Variants in ATP7B observed in about 807,000 individuals in gnomAD.
The protein encoded by ATP7B is copper-transporting ATPase 2.
In ATP7B, 113 loss-of-function variants were observed where a neutral mutation model predicts 118.9. That is an observed-to-expected ratio of 0.95 (90% CI 0.82 to 1.11). The LOEUF is 1.11. ATP7B is among the 50% of genes most tolerant of loss of function. ATP7B has a pLI of 0.00. For synonymous variants in ATP7B, 777 were observed against 727.4 expected (o/e 1.07, Z -1.10); for missense variants, 1,867 against 1,871.4 (o/e 1.00, Z 0.04).
intron 20 of ATP7B, among the ~76,000 whole-genome samples, chr13:51,935,290 T>C (rs576645497): frequency 2.0e-5 from 3 of 152,308 alleles, no homozygotes; most frequent in Admixed American, 6.5e-5. Context: ...TAAGTGAACA[T>C]CTTTTTTAAA....
chr13:51,945,030 T>TA (rs1957559194), intron 13 of ATP7B, among the ~76,000 whole-genome samples: 1 of 152,184 alleles, frequency 6.6e-6, no homozygotes, highest in East Asian at 1.9e-4. Context: ...GGTTCTCCCT[T>TA]ACAAGCAAAC....
Position 51,934,038 on chromosome 13 carries a change from A to T in ATP7B, c.*718T>A, listed in dbSNP as rs1000284005. The T allele has an allele frequency of 2.6e-5, 4 of 153,674 alleles. No homozygotes were observed. Among genetic ancestry groups the T allele is most frequent in the Admixed American group, 1.3e-4 (2 of 15,592 alleles). The allele number at this position is 153,674 out of a possible 1,614,324, so 9.5% of individuals were successfully genotyped here. On this transcript the variant is annotated 3_prime_UTR_variant, in exon 21 of 21. Coordinates refer to ENST00000242839, the MANE Select transcript of ATP7B (RefSeq NM_000053.4). The stretch of plus-strand genomic sequence containing the variant: ...GCAAAAAAGAACTCTCCTCAACTTG[A>T]AGAAGAGTGTGGCAAGCTCCCTGGC...
At chr13:51,940,987 CTTCTT>C (rs1957295904) in intron 16 of ATP7B, 89 bp downstream of exon 16, 2 of 1,564,918 alleles carry the variant, frequency 1.3e-6, no homozygotes, top group Admixed American at 3.4e-5. Context: ...TTTTGTTTGT[CTTCTT>C]TTCTTTTATA....
intron 1 of ATP7B, among the ~76,000 whole-genome samples, chr13:51,994,783 T>G (rs1953114979): frequency 6.6e-6 from 1 of 152,226 alleles, no homozygotes; most frequent in Admixed American, 6.5e-5. Context: ...AAAGTTGTTT[T>G]TTATTTTCGT....
At chr13:51,955,049 G>A (rs1376701258) in intron 9 of ATP7B, among the ~76,000 whole-genome samples, 1 of 152,190 alleles carries the variant, frequency 6.6e-6, no homozygotes, top group Admixed American at 6.5e-5. Flanking sequence ...AACGCTGCCA[G>A]CACCCAAGAC....
intron 1 of ATP7B, among the ~76,000 whole-genome samples, chr13:51,982,843 C>T (rs947667487): frequency 1.3e-5 from 2 of 152,188 alleles, no homozygotes; most frequent in Non-Finnish European, 2.9e-5. Context: ...CAAGGGAAGC[C>T]GCGAGGGACT....
chr13:51,969,563 C>T (rs1054747944), intron 3 of ATP7B, among the ~76,000 whole-genome samples: 18 of 152,014 alleles, frequency 1.2e-4, no homozygotes, highest in Non-Finnish European at 2.6e-4. Context: ...ATCCCACAAT[C>T]TTGCTAACAC....
chr13:51,992,524 T>G (rs963529028), intron 1 of ATP7B, among the ~76,000 whole-genome samples: 1 of 152,218 alleles, frequency 6.6e-6, no homozygotes, highest in Admixed American at 6.5e-5. Flanking sequence ...GTTCTCAAGG[T>G]GCAAAGCTGA....
intron 5 of ATP7B, among the ~76,000 whole-genome samples, chr13:51,962,919 C>T (rs559209661): frequency 6.6e-6 from 1 of 152,020 alleles, no homozygotes. Context: ...TGGCGAAACC[C>T]CATCTCTACT....
At chr13:51,959,085 T>A (rs1203977158) in intron 7 of ATP7B, 6 of 165,076 alleles carry the variant, frequency 3.6e-5, no homozygotes, top group African/African-American at 1.2e-4. Flanking sequence ...ACTATTAATA[T>A]CACCATAGCA....
chr13:51,964,087 AACAG>A (rs1458099628), intron 5 of ATP7B, among the ~76,000 whole-genome samples: 6 of 150,738 alleles, frequency 4.0e-5, no homozygotes, highest in Non-Finnish European at 7.4e-5. Flanking sequence ...CAGGCCACAT[AACAG>A]ACAGCATCTC....
At chr13:51,979,718 T>C (rs897282188) in intron 1 of ATP7B, among the ~76,000 whole-genome samples, 1 of 152,194 alleles carries the variant, frequency 6.6e-6, no homozygotes, top group African/African-American at 2.4e-5. Flanking sequence ...AAATCCCTCA[T>C]GATAACCCAG....
chr13:51,944,207 C>T lies in ATP7B; in HGVS notation c.3145G>A (p.Ala1049Thr). ...VMRVLLLGDV[A>T]TLPLRKVLAV... ...AGAACCTTCCTGAGGGGCAGTGTGG[C>T]CACATCCCCCAGCAGGAGCACCCGC... Residue 1049 changes from alanine to threonine, a missense_variant, in exon 14 of 21, where the codon GCC becomes ACC. Coordinates refer to ENST00000242839, the MANE Select transcript of ATP7B (RefSeq NM_000053.4). The T allele has an allele frequency of 6.2e-7, 1 of 1,614,162 alleles. No individual in the cohort carries two copies. The highest frequency in any genetic ancestry group is 8.5e-7 in the Non-Finnish European group (1 of 1,180,032).
intron 1 of ATP7B, among the ~76,000 whole-genome samples, chr13:51,984,720 T>G (rs933780161): frequency 2.0e-5 from 3 of 152,222 alleles, no homozygotes; most frequent in Admixed American, 2.0e-4. Context: ...CAGATCTCTC[T>G]GCAGAAACCC....
intron 1 of ATP7B, among the ~76,000 whole-genome samples, chr13:52,004,217 G>A (rs1270846084): frequency 6.6e-6 from 1 of 152,160 alleles, no homozygotes; most frequent in East Asian, 1.9e-4. Context: ...AGCCAAAATC[G>A]TGCCACTGCA....
chr13:51,943,872 C>T (rs1476304664), intron 14 of ATP7B, among the ~76,000 whole-genome samples: 1 of 152,166 alleles, frequency 6.6e-6, no homozygotes, highest in Non-Finnish European at 1.5e-5. Context: ...TCTCCTGAGC[C>T]TGGCGCCTGG....
At chr13:51,985,922 T>C (rs9535816) in intron 1 of ATP7B, among the ~76,000 whole-genome samples, 89,694 of 152,018 alleles carry the variant, frequency 0.59, 28,334 homozygotes, top group Non-Finnish European at 0.71. Flanking sequence ...CACTGGTTAG[T>C]GGGAAATTTC....
chr13:51,937,383 A>G lies in ATP7B; in HGVS notation c.3914T>C (p.Leu1305Pro), dbSNP rs377144951. The G allele has an allele frequency of 4.3e-6, 7 of 1,614,132 alleles. No individual in the cohort carries two copies. The highest frequency in any genetic ancestry group is 5.1e-6 in the Non-Finnish European group (6 of 1,180,056). ...ADVVLIRNDL[L>P]DVVASIHLSK... ...AAGGTGAATGCTAGCCACCACATCC[A>G]GCAAATCATTCTGATGGAGAGGAGC... Residue 1305 changes from leucine (L) to proline (P), a missense_variant, in exon 19 of 21, where the codon CTG becomes CCG. By Grantham distance (98) the Leu-to-Pro change is moderately conservative. Coordinates refer to ENST00000242839, the MANE Select transcript of ATP7B (RefSeq NM_000053.4).
At position 51,974,802 on chromosome 13, in the gene ATP7B, C is replaced by G. The variant is rs760902262; in HGVS notation, c.418G>C (p.Ala140Pro). ...CGGAGCTTGACCACAGCCTCCTGGG[C>G]AGGCAAGGACCTTGAGGGCCAGGAG... ...AASWPSRSLP[A>P]QEAVVKLRVE... is the part of the protein sequence containing the mutation. The change falls in exon 2 of 21, where the codon GCC (alanine) becomes CCC (proline). Residue 140 changes from alanine (A) to proline (P), a missense_variant. Ala to Pro is a conservative substitution (Grantham distance 27, BLOSUM62 -1). Transcript: ENST00000242839. The G allele has an allele frequency of 6.2e-7, 1 of 1,614,178 alleles. No homozygotes were observed. The highest frequency in any genetic ancestry group is 1.1e-5 in the South Asian group (1 of 91,086).
Sources: allele counts gnomAD v4.1 joint callset (sites outside exome capture counted in the v4.1 genomes callset), GRCh38; gene constraint gnomAD v4.1.1; transcripts MANE v1.5; gene names NCBI Gene and HGNC (gene_info 2026-07-23, HGNC 2026-07-21).